Variants in MACF1 observed in about 807,000 individuals in gnomAD.
MACF1 encodes the protein microtubule actin crosslinking factor 1, also known as microtubule-actin cross-linking factor 1.
Under a neutral mutation model 854.8 loss-of-function variants are expected in MACF1, and 193 were observed. The observed-to-expected ratio is 0.23, with a 90% CI of 0.20 to 0.25. The LOEUF (loss-of-function observed/expected upper bound fraction) is 0.25. Among genes scored for constraint, MACF1 ranks in the 10% least tolerant of loss-of-function variants. The pLI, the probability that MACF1 is intolerant of heterozygous loss-of-function variation, is 1.00. For synonymous variants in MACF1, 3,185 were observed against 3,226.7 expected, an observed-to-expected ratio of 0.99 and a Z score of 0.44; for missense variants, 7,722 against 8,929.1, an observed-to-expected ratio of 0.86 and a Z score of 5.45.
At chr1:39,145,057 C>A (rs762728729) in intron 2 of MACF1, among the ~76,000 whole-genome samples, 2 of 152,082 alleles carry the variant, frequency 1.3e-5, no homozygotes, top group Non-Finnish European at 2.9e-5. Flanking sequence ...CCTTTTCTAT[C>A]CCCAGTGCTG....
In MACF1 at chr1:39,284,406, A is replaced by C; in HGVS notation, c.1109A>C (p.Glu370Ala). 6.2e-7 allele frequency: 1 copy of C among 1,603,248 alleles called. No homozygotes were observed. Among genetic ancestry groups the C allele is most frequent in the East Asian group, 2.2e-5 (1 of 44,834 alleles). The change falls in exon 11 of 101, where the codon GAG (glutamate) becomes GCG (alanine). Residue 370 changes from glutamate (E) to alanine (A), a missense_variant. Glu to Ala is a moderately radical substitution (Grantham distance 107). This residue lies in a region of MACF1 where 97 missense variants were observed against 130.4 expected (regional missense o/e 0.74). Transcript: ENST00000564288. ...LAKEREKGRI[E>A]ELYKLLEVWI... ...AAGGAGAGAGAAAAAGGAAGAATTG[A>C]GGAATTATATAAATTACTAGAGGTA...
intron 6 of MACF1, among the ~76,000 whole-genome samples, chr1:39,278,490 TAGAA>T (rs1042870166): frequency 2.6e-4 from 39 of 152,360 alleles, no homozygotes; most frequent in African/African-American, 7.2e-4. Context: ...GAGATGTTAT[TAGAA>T]AGATTATGGC....
At chr1:39,450,166 T>C (rs111998299) in intron 84 of MACF1, among the ~76,000 whole-genome samples, 1,805 of 151,966 alleles carry the variant, frequency 0.012, 32 homozygotes, top group African/African-American at 0.041. Flanking sequence ...CCAGCCATTG[T>C]TTTTTATTTG....
intron 6 of MACF1, chr1:39,269,461 A>G (rs1231944811): frequency 7.8e-7 from 1 of 1,289,880 alleles, no homozygotes; most frequent in East Asian, 5.6e-5. Flanking sequence ...CCTGGAGGCC[A>G]AAGACGCACG....
intron 2 of MACF1, among the ~76,000 whole-genome samples, chr1:39,234,817 C>T (rs866024302): frequency 0.039 from 3,318 of 85,266 alleles, 137 homozygotes; most frequent in Middle Eastern, 0.096. Flanking sequence ...ATGCTCCTCA[C>T]CTCCCAGACG....
chr1:39,394,292 A>C (rs908513321), intron 58 of MACF1, among the ~76,000 whole-genome samples: 9 of 152,088 alleles, frequency 5.9e-5, no homozygotes, highest in African/African-American at 2.2e-4. Flanking sequence ...GCCACATAGA[A>C]AGCAAGCTTA....
chr1:39,163,841 T>C (rs1213324985), intron 2 of MACF1, among the ~76,000 whole-genome samples: 1 of 152,200 alleles, frequency 6.6e-6, no homozygotes, highest in African/African-American at 2.4e-5. Flanking sequence ...AAAGACTTTT[T>C]TGACTTTTTT....
intron 2 of MACF1, among the ~76,000 whole-genome samples, chr1:39,178,053 C>T (rs1299595836): frequency 1.3e-5 from 2 of 151,638 alleles, no homozygotes; most frequent in Admixed American, 6.6e-5. Context: ...TCAGGGAAAT[C>T]TTTATTCCCC....
chr1:39,085,836 C>T (rs1235404989), intron 2 of MACF1, among the ~76,000 whole-genome samples: 2 of 152,180 alleles, frequency 1.3e-5, no homozygotes, highest in Non-Finnish European at 2.9e-5. Flanking sequence ...ATCACCCTGC[C>T]ACAGTACACT....
intron 2 of MACF1, among the ~76,000 whole-genome samples, chr1:39,157,906 C>T (rs1643723877): frequency 6.6e-6 from 1 of 152,036 alleles, no homozygotes; most frequent in Non-Finnish European, 1.5e-5. Context: ...CGGGGTTTTG[C>T]CATGTTGCTC....
chr1:39,282,300 A>G lies in MACF1; in HGVS notation c.621A>G (p.Thr207=), dbSNP rs908223967. ...CCCAGAAGGTGACAGCTGGTTACAC[A>G]GGAATCAAATGCACCAACTTTTCCT... The part of the protein sequence containing the change: ...LWTQKVTAGY[T]GIKCTNFSSC... Residue 207 remains threonine, a synonymous_variant, in exon 7 of 101, where the codon ACA becomes ACG. Transcript: ENST00000564288. The G allele has an allele frequency of 6.2e-7, 1 of 1,614,152 alleles. No homozygotes were observed. The highest frequency in any genetic ancestry group is 8.5e-7 in the Non-Finnish European group (1 of 1,179,976).
chr1:39,173,929 CT>C (rs554430625), intron 2 of MACF1, among the ~76,000 whole-genome samples: 1 of 150,088 alleles, frequency 6.7e-6, no homozygotes, highest in Non-Finnish European at 1.5e-5. Flanking sequence ...TTCTCTCTCT[CT>C]TTTTTTTTTC....
At position 39,357,379 on chromosome 1, in the gene MACF1, G is replaced by A. The variant is rs764407914; in HGVS notation, c.11429G>A (p.Arg3810His). The change falls in exon 45 of 101, where the codon CGT (arginine) becomes CAT (histidine). Residue 3810 changes from arginine to histidine, a missense_variant. By Grantham distance (29) the Arg-to-His change is conservative (BLOSUM62 0). This residue lies in a region of MACF1 where 2,807 missense variants were observed against 3,235.8 expected (regional missense o/e 0.87). Coordinates refer to ENST00000564288, the MANE Select transcript of MACF1 (RefSeq NM_001394062.1). ...GGGGGGATTTTTTTTTACCAGGCCCGTCACCAAGAATTGCTGTCCCAGCAG... is the reference window on the plus strand; with the variant it reads ...GGGGGGATTTTTTTTTACCAGGCCCATCACCAAGAATTGCTGTCCCAGCAG... ...LDKQCEMMKA[R>H]HQELLSQQQN... 35 of 1,610,122 alleles carry A rather than the reference G, an allele frequency of 2.2e-5. No individual in the cohort carries two copies. The highest frequency in any genetic ancestry group is 2.8e-5 in the Non-Finnish European group (33 of 1,178,460).
intron 2 of MACF1, among the ~76,000 whole-genome samples, chr1:39,132,565 T>TATTG (rs1643028927): frequency 6.6e-6 from 1 of 152,178 alleles, no homozygotes; most frequent in African/African-American, 2.4e-5. Context: ...CAGCCCCCTG[T>TATTG]ATTGAAAACG....
At chr1:39,369,071 T>C (rs1223703248) in intron 50 of MACF1, among the ~76,000 whole-genome samples, 1 of 143,710 alleles carries the variant, frequency 7.0e-6, no homozygotes, top group Admixed American at 7.0e-5. Flanking sequence ...ACTCCTGGCC[T>C]CATCGATCCT....
At chr1:39,186,170 A>ATC (rs55658204) in intron 2 of MACF1, among the ~76,000 whole-genome samples, 1,509 of 108,800 alleles carry the variant, frequency 0.014, 5 homozygotes, top group Non-Finnish European at 0.017. Context: ...GATTCTGAAC[A>ATC]TCTCTCTCTC....
chr1:39,178,377 A>C (rs139622082), intron 2 of MACF1, among the ~76,000 whole-genome samples: 136 of 152,300 alleles, frequency 8.9e-4, no homozygotes, highest in African/African-American at 3.0e-3. Context: ...GAAATATAGA[A>C]ATACAGGTAG....
intron 58 of MACF1, among the ~76,000 whole-genome samples, chr1:39,396,274 C>T (rs1019136871): frequency 1.1e-4 from 16 of 150,058 alleles, no homozygotes; most frequent in African/African-American, 3.0e-4. Flanking sequence ...GAGCCGACAT[C>T]GCGCCACTGC....
At chr1:39,174,693 C>T (rs757735022) in intron 2 of MACF1, among the ~76,000 whole-genome samples, 6 of 152,146 alleles carry the variant, frequency 3.9e-5, no homozygotes, top group Non-Finnish European at 7.3e-5. Context: ...TGTGTACTTT[C>T]GTAGTCTTTG....
Sources: allele counts gnomAD v4.1 joint callset (sites outside exome capture counted in the v4.1 genomes callset), GRCh38; gene constraint gnomAD v4.1.1; regional missense constraint gnomAD v4.1.1; transcripts MANE v1.5; gene names NCBI Gene and HGNC (gene_info 2026-07-23, HGNC 2026-07-21).